ENAH: variants seen among roughly 807,000 people sequenced by gnomAD.
ENAH encodes the protein protein enabled homolog.
A neutral mutation model predicts 78.7 loss-of-function variants in ENAH; 23 were observed. The observed-to-expected ratio is 0.29, with a 90% CI of 0.21 to 0.41. The LOEUF is 0.41. Among genes scored for constraint, ENAH ranks in the 10% least tolerant of loss-of-function variants. The probability of loss-of-function intolerance (pLI) is 1.00; values close to 1 mark genes in which losing one functional copy is unlikely to be tolerated. For synonymous variants in ENAH, 226 were observed against 241.0 expected (o/e 0.94, Z 0.58); for missense variants, 544 against 691.0 (o/e 0.79, Z 2.39).
At chr1:225,500,840 T>TGGTC in intron 12 of ENAH, 152 bp downstream of exon 12, 1 of 709,140 alleles carries the variant, frequency 1.4e-6, no homozygotes, top group South Asian at 2.1e-5. Context: ...TTTGCAAAAA[T>TGGTC]GCAGTACTAC....
At chr1:225,507,409 A>T (rs1575327172) in intron 11 of ENAH, among the ~76,000 whole-genome samples, 2 of 152,220 alleles carry the variant, frequency 1.3e-5, no homozygotes, top group Non-Finnish European at 2.9e-5. Context: ...ATACTATAGT[A>T]GATAATATTA....
chr1:225,619,578 T>C (rs1025728484), intron 1 of ENAH, among the ~76,000 whole-genome samples: 6 of 151,814 alleles, frequency 4.0e-5, no homozygotes, highest in African/African-American at 1.5e-4. Context: ...CCTAAAATAC[T>C]CCCACCTCCC....
intron 2 of ENAH, among the ~76,000 whole-genome samples, chr1:225,559,607 T>C (rs2096689114): frequency 6.6e-6 from 1 of 152,160 alleles, no homozygotes; most frequent in Admixed American, 6.5e-5. Context: ...AAACCACCAT[T>C]ACTTTTGCAC....
Position 225,490,618 on chromosome 1 carries a change from T to C in ENAH, c.*7157A>G, listed in dbSNP as rs1353891479. ...AAACTTAAAATGATCAAGCCCAAAG[T>C]ACCTCTGGGAAGGACACCAAATTGT... On this transcript the variant is annotated 3_prime_UTR_variant, in exon 14 of 14. Transcript: ENST00000366843. 1 of 152,068 alleles carries C rather than the reference T, an allele frequency of 6.6e-6. No individual in the cohort carries two copies. Among genetic ancestry groups the C allele is most frequent in the Non-Finnish European group, 1.5e-5 (1 of 68,018 alleles). 9.4% of individuals were successfully genotyped at this position (152,068 alleles called of 1,614,324 possible). A position where few individuals can be genotyped will look rare whatever the true frequency, so the allele number is the denominator to read the frequency against.
At chr1:225,600,735 G>A (rs1037006944) in intron 1 of ENAH, among the ~76,000 whole-genome samples, 3 of 152,008 alleles carry the variant, frequency 2.0e-5, no homozygotes, top group Non-Finnish European at 4.4e-5. Context: ...GTGTGCGCCC[G>A]GAGTCCCAGC....
At chr1:225,615,786 G>A (rs1159403692) in intron 1 of ENAH, among the ~76,000 whole-genome samples, 13 of 151,998 alleles carry the variant, frequency 8.6e-5, no homozygotes, top group African/African-American at 2.9e-4. Flanking sequence ...CGTCTGAGAA[G>A]TGAGGAGCCC....
intron 1 of ENAH, among the ~76,000 whole-genome samples, chr1:225,613,498 C>CA (rs2097003661): frequency 6.6e-6 from 1 of 152,066 alleles, no homozygotes; most frequent in African/African-American, 2.4e-5. Context: ...TCTACTTTTT[C>CA]AGTTTGTCAA....
intron 4 of ENAH, among the ~76,000 whole-genome samples, chr1:225,521,437 T>TTA (rs1314871911): frequency 6.6e-6 from 1 of 152,108 alleles, no homozygotes; most frequent in Admixed American, 6.5e-5. Flanking sequence ...GGTCAGGAGT[T>TTA]TGAGACTAGC....
intron 1 of ENAH, among the ~76,000 whole-genome samples, chr1:225,568,359 C>A (rs111717371): frequency 3.0e-4 from 46 of 152,116 alleles, no homozygotes; most frequent in Non-Finnish European, 5.6e-4. Flanking sequence ...ATCAAGACCC[C>A]GTCTCTATAT....
At chr1:225,537,822 C>T (rs555720639) in intron 3 of ENAH, among the ~76,000 whole-genome samples, 4 of 151,508 alleles carry the variant, frequency 2.6e-5, no homozygotes, top group Non-Finnish European at 5.9e-5. Context: ...TACCATTAGG[C>T]GTTTTGTACA....
intron 4 of ENAH, among the ~76,000 whole-genome samples, chr1:225,522,808 C>T (rs957604645): frequency 6.6e-6 from 1 of 152,058 alleles, no homozygotes; most frequent in African/African-American, 2.4e-5. Flanking sequence ...CTAATTAGAA[C>T]AAATTTAAAT....
intron 7 of ENAH, 146 bp downstream of exon 7, chr1:225,514,448 TGA>T: frequency 1.3e-6 from 1 of 742,926 alleles, no homozygotes; most frequent in Non-Finnish European, 2.3e-6. Context: ...TATACAGGTA[TGA>T]GCCATTGCGC....
At chr1:225,600,984 T>C (rs1402608787) in intron 1 of ENAH, among the ~76,000 whole-genome samples, 2 of 152,160 alleles carry the variant, frequency 1.3e-5, no homozygotes, top group Non-Finnish European at 2.9e-5. Flanking sequence ...TCTGAAATTT[T>C]TCCCCAAAAA....
chr1:225,519,330 G>C lies in ENAH; in HGVS notation c.670C>G (p.Arg224Gly), dbSNP rs141364661. The stretch of plus-strand genomic sequence containing the variant: ...CGTTCTTGTCTTTCTTGCCTCTCCC[G>C]ATCCAGGCGTTCCTGCCGCTCCAGG... ...ERLERQERLDRERQERQERER... is the reference protein window; with the variant it reads ...ERLERQERLDGERQERQERER... The change falls in exon 5 of 14, where the codon CGG becomes GGG. Residue 224 changes from arginine to glycine, a missense_variant. Physicochemically the swap from Arg to Gly is moderately radical, Grantham distance 125. Around this residue, in one of 4 missense-constraint regions of ENAH, gnomAD observed 366 missense variants for 396.1 expected, o/e 0.92. Transcript: ENST00000366843. 1 of 1,613,368 alleles carries C rather than the reference G, an allele frequency of 6.2e-7. No individual in the cohort carries two copies. Among genetic ancestry groups the C allele is most frequent in the African/African-American group, 1.3e-5 (1 of 74,796 alleles).
In ENAH at chr1:225,492,722, G is replaced by A. The variant is rs2096228071; in HGVS notation, c.*5053C>T. Reference sequence around the variant, plus strand: ...CGTTTAGAAGGTTGTGTGCATCACAGAGTATCTGTAACGGGGACAGTCCTA... The same window carrying A: ...CGTTTAGAAGGTTGTGTGCATCACAAAGTATCTGTAACGGGGACAGTCCTA... On this transcript the variant is annotated 3_prime_UTR_variant, in exon 14 of 14. Transcript: ENST00000366843. 6.6e-6 allele frequency: 1 copy of A among 152,234 alleles called. No homozygotes were observed. Among genetic ancestry groups the A allele is most frequent in the Non-Finnish European group, 1.5e-5 (1 of 68,048 alleles). 9.4% of individuals were successfully genotyped at this position (152,234 alleles called of 1,614,324 possible).
intron 1 of ENAH, among the ~76,000 whole-genome samples, chr1:225,643,186 A>G (rs889949756): frequency 6.6e-6 from 1 of 152,216 alleles, no homozygotes; most frequent in Admixed American, 6.5e-5. Context: ...AAGGCTTTAC[A>G]TGGGAAATAA....
At chr1:225,650,979 TA>T (rs1662887428) in intron 1 of ENAH, among the ~76,000 whole-genome samples, 1 of 150,798 alleles carries the variant, frequency 6.6e-6, no homozygotes, top group Non-Finnish European at 1.5e-5. Context: ...ATTAGATCTC[TA>T]AAACAGAAAC....
intron 1 of ENAH, among the ~76,000 whole-genome samples, chr1:225,583,037 A>G (rs1228223472): frequency 1.3e-5 from 2 of 152,258 alleles, no homozygotes; most frequent in African/African-American, 4.8e-5. Flanking sequence ...AAGAGAACAG[A>G]GACAATAAAA....
chr1:225,517,410 G>A (rs1180631114), intron 5 of ENAH, 104 bp from the exon 6 acceptor site: 22 of 1,551,702 alleles, frequency 1.4e-5, no homozygotes, highest in East Asian at 4.9e-5. Context: ...AGAGTGATGC[G>A]AGGGAAGGCA....
Sources: allele counts gnomAD v4.1 joint callset (sites outside exome capture counted in the v4.1 genomes callset), GRCh38; gene constraint gnomAD v4.1.1; regional missense constraint gnomAD v4.1.1; transcripts MANE v1.5; gene names NCBI Gene and HGNC (gene_info 2026-07-23, HGNC 2026-07-21).